ZFP42: variants seen among roughly 807,000 people sequenced by gnomAD.
ZFP42 encodes the protein zinc finger protein 42 homolog.
For synonymous variants in ZFP42, 175 were observed against 144.6 expected (o/e 1.21, Z -1.51); for missense variants, 438 against 377.1 (o/e 1.16, Z -1.34).
Position 187,997,072 on chromosome 4 carries a change from G to A in ZFP42, c.-339+1232G>A, listed in dbSNP as rs575795478. ...GCATGGCCTGCAGCCCCCGGGGAGC[G>A]CCGGCAGCCTGGAACCAGCAGGCTT... is the stretch of plus-strand genomic sequence containing the variant. On this transcript the variant is annotated intron_variant, in intron 1 of 3. Transcript: ENST00000326866. 9.7e-3 allele frequency among the ~76,000 whole-genome samples: 1,472 copies of A among 151,566 alleles called. 12 individuals are homozygous for A. Among genetic ancestry groups the A allele is most frequent in the Non-Finnish European group, 0.017 (1,156 of 67,902 alleles).
chr4:187,997,155 G>A (rs948330005), intron 1 of ZFP42, among the ~76,000 whole-genome samples: 58 of 150,988 alleles, frequency 3.8e-4, no homozygotes, highest in African/African-American at 1.4e-3. Flanking sequence ...GGCTCCGATG[G>A]CCCCCTCCTT....
At chr4:188,005,098 A>G (rs972033127), downstream of ZFP42, 2 of 167,050 alleles carry the variant, frequency 1.2e-5, no homozygotes, top group Non-Finnish European at 2.9e-5. Context: ...TTGAAAAGAG[A>G]TACCATTTAT....
Position 188,003,539 on chromosome 4 carries a change from G to C in ZFP42, c.732G>C (p.Pro244=), listed in dbSNP as rs908175834. ...TCCTGGTTCATACTGGAGAGAAGCC[G>C]TTTCGGTGCACTTTTGAAGGGTGCG... The part of the protein sequence containing the change: ...RHFLVHTGEK[P]FRCTFEGCGK... The change falls in exon 4 of 4, where the codon CCG becomes CCC. Residue 244 remains proline (P), a synonymous_variant. Transcript: ENST00000326866. The C allele has an allele frequency of 1.2e-6, 2 of 1,613,644 alleles. No homozygotes were observed. The highest frequency in any genetic ancestry group is 1.7e-6 in the Non-Finnish European group (2 of 1,180,032).
intron 1 of ZFP42, among the ~76,000 whole-genome samples, chr4:187,996,806 C>T (rs997336984): frequency 6.6e-6 from 1 of 152,166 alleles, no homozygotes; most frequent in Non-Finnish European, 1.5e-5. Flanking sequence ...TCCCCAAATC[C>T]ATTCTCCATG....
chr4:187,997,601 C>CT (rs1359877466), intron 1 of ZFP42, among the ~76,000 whole-genome samples: 4 of 151,724 alleles, frequency 2.6e-5, no homozygotes, highest in African/African-American at 9.7e-5. Flanking sequence ...CCTTTACTGT[C>CT]TGTCCCACAC....
At chr4:187,999,542 A>G (rs1437345586) in intron 2 of ZFP42, 67 bp from the exon 3 acceptor site, 1 of 152,246 alleles carries the variant, frequency 6.6e-6, no homozygotes, top group African/African-American at 2.4e-5. Context: ...AAGTAATTAT[A>G]TAGGGTTGTT....
At chr4:187,998,376 C>G (rs1410942489) in intron 1 of ZFP42, among the ~76,000 whole-genome samples, 1 of 152,024 alleles carries the variant, frequency 6.6e-6, no homozygotes. Context: ...TAAAAAGTTA[C>G]AGTAAGCTAA....
intron 1 of ZFP42, among the ~76,000 whole-genome samples, chr4:187,998,409 GAC>G (rs1204795803): frequency 1.3e-5 from 2 of 152,062 alleles, no homozygotes; most frequent in Non-Finnish European, 2.9e-5. Context: ...ATTCAGGAAA[GAC>G]AAATTTTTAA....
chr4:188,004,069 TAA>T lies in ZFP42; in HGVS notation c.*330_*331del, dbSNP rs1733964807. 4.8e-6 allele frequency: 1 copy of T among 207,264 alleles called. No homozygotes were observed. Among genetic ancestry groups the T allele is most frequent in the African/African-American group, 2.3e-5 (1 of 42,602 alleles). The allele number at this position is 207,264 out of a possible 1,614,324, so 12.8% of individuals were successfully genotyped here. On this transcript the variant is annotated 3_prime_UTR_variant, in exon 4 of 4. Transcript: ENST00000326866. ...ATATTATCTGTTGGATTATTGGATA[TAA>T]GACTTATTTTCATGTACTATAAATA... is the stretch of plus-strand genomic sequence containing the variant.
intron 3 of ZFP42, 137 bp from the exon 4 acceptor site, chr4:188,002,576 C>T (rs1453017366): frequency 1.8e-6 from 1 of 543,614 alleles, no homozygotes; most frequent in East Asian, 3.1e-5. Flanking sequence ...ATGTCTTACA[C>T]AGAGCTCATT....
Position 188,003,355 on chromosome 4 carries a change from A to G in ZFP42, c.548A>G (p.Asp183Gly), listed in dbSNP as rs1395485752. 1 of 1,614,054 alleles carries G rather than the reference A, an allele frequency of 6.2e-7. No individual in the cohort carries two copies. Residue 183 changes from aspartate to glycine, a missense_variant, in exon 4 of 4, where the codon GAC (aspartate) becomes GGC (glycine). Coordinates refer to ENST00000326866, the MANE Select transcript of ZFP42 (RefSeq NM_174900.5). ...AAGCCCCCCATAAATAAAGAATATG[A>G]CAGTCTGAGCGCAATCGCTTGTCCT... ...RKKPPINKEYDSLSAIACPQS... is the reference protein window; with the variant it reads ...RKKPPINKEYGSLSAIACPQS...
intron 1 of ZFP42, among the ~76,000 whole-genome samples, chr4:187,997,575 T>G (rs562958615): frequency 4.0e-5 from 6 of 151,296 alleles, no homozygotes; most frequent in African/African-American, 1.5e-4. Flanking sequence ...CAATCTGACA[T>G]TTTTTGTTTA....
At chr4:188,002,578 G>A in intron 3 of ZFP42, 135 bp from the exon 4 acceptor site, 1 of 547,172 alleles carries the variant, frequency 1.8e-6, no homozygotes, top group Non-Finnish European at 3.3e-6. Context: ...GTCTTACACA[G>A]AGCTCATTCT....
chr4:188,002,996 C>G lies in ZFP42; in HGVS notation c.189C>G (p.Leu63=), dbSNP rs199517001. The G allele has an allele frequency of 2.5e-6, 4 of 1,614,046 alleles. No individual in the cohort carries two copies. Among genetic ancestry groups the G allele is most frequent in the Non-Finnish European group, 3.4e-6 (4 of 1,180,006 alleles). Residue 63 remains leucine (L), a synonymous_variant, in exon 4 of 4, where the codon CTC becomes CTG. Transcript: ENST00000326866. The part of the protein sequence containing the change: ...YVCYEPGPQA[L]GGDDFSDCYI... Reference sequence around the variant, plus strand: ...GCTATGAGCCTGGCCCTCAGGCTCTCGGAGGGGATGATTTCTCAGACTGTT... The same window carrying G: ...GCTATGAGCCTGGCCCTCAGGCTCTGGGAGGGGATGATTTCTCAGACTGTT...
At chr4:188,002,402 T>C (rs575082797) in intron 3 of ZFP42, among the ~76,000 whole-genome samples, 1 of 152,326 alleles carries the variant, frequency 6.6e-6, no homozygotes, top group African/African-American at 2.4e-5. Context: ...GTCTACTCCA[T>C]GGAGGCATAG....
chr4:188,003,050 T>C lies in ZFP42; in HGVS notation c.243T>C (p.Phe81=). ...CYIECVIRGE[F]SQPILEEDSL... is the part of the protein sequence containing the mutation. ...TAGAATGCGTCATAAGGGGTGAGTT[T>C]TCTCAACCCATCCTGGAAGAGGACT... Residue 81 remains phenylalanine (F), a synonymous_variant, in exon 4 of 4, where the codon TTT becomes TTC. Transcript: ENST00000326866. The C allele has an allele frequency of 6.2e-7, 1 of 1,614,144 alleles. No individual in the cohort carries two copies. The highest frequency in any genetic ancestry group is 8.5e-7 in the Non-Finnish European group (1 of 1,180,002).
chr4:187,998,153 G>A (rs1185013329), intron 1 of ZFP42, among the ~76,000 whole-genome samples: 1 of 152,084 alleles, frequency 6.6e-6, no homozygotes, highest in African/African-American at 2.4e-5. Context: ...CCTGACCAAC[G>A]TGGAGAAACC....
At chr4:188,001,437 G>A (rs987197907) in intron 3 of ZFP42, among the ~76,000 whole-genome samples, 8 of 152,104 alleles carry the variant, frequency 5.3e-5, no homozygotes, top group African/African-American at 1.2e-4. Context: ...AAGCTACCCC[G>A]TGCCTTTATT....
intron 3 of ZFP42, among the ~76,000 whole-genome samples, chr4:188,000,354 A>C (rs1454361531): frequency 1.3e-5 from 2 of 151,534 alleles, no homozygotes; most frequent in African/African-American, 4.8e-5. Context: ...ATATTTTGAG[A>C]TCTCCCTGGT....
Sources: allele counts gnomAD v4.1 joint callset (sites outside exome capture counted in the v4.1 genomes callset), GRCh38; gene constraint gnomAD v4.1.1; transcripts MANE v1.5; gene names NCBI Gene and HGNC (gene_info 2026-07-23, HGNC 2026-07-21).